The following PACRG variants were observed in gnomAD, a reference collection of about 807,000 sequenced individuals.
The protein encoded by PACRG is parkin coregulated gene protein.
A neutral mutation model predicts 29.7 loss-of-function variants in PACRG; 29 were observed. The observed-to-expected ratio is 0.98, with a 90% CI of 0.73 to 1.33. The LOEUF is 1.33. Ranked by LOEUF, PACRG falls within the 40% of genes most tolerant of loss-of-function variation. The pLI is 0.00. For synonymous variants in PACRG, 116 were observed against 118.7 expected (o/e 0.98, Z 0.15); for missense variants, 279 against 316.2 (o/e 0.88, Z 0.89).
rs377285864 is a variant in PACRG, at chr6:163,314,777, G to A, written c.614-50G>A. The A allele has an allele frequency of 9.6e-5, 153 of 1,590,164 alleles. No homozygotes were observed. The African/African-American group carries it at 1.4e-3, about 14-fold the overall frequency. On this transcript the variant is annotated intron_variant, in intron 4 of 4. Coordinates refer to ENST00000366888, the MANE Select transcript of PACRG (RefSeq NM_001080379.2). ...ATGCCTAGACTGTGTAGGACTTTTC[G>A]GGAAATTGCAGAGAAGTAACTGGCC...
intron 4 of PACRG, among the ~76,000 whole-genome samples, chr6:163,095,927 G>C (rs1017356917): frequency 6.6e-6 from 1 of 152,236 alleles, no homozygotes; most frequent in East Asian, 1.9e-4. Flanking sequence ...AGCCTGTGGG[G>C]AGAAAATCTC....
chr6:163,136,913 A>G (rs9456837), intron 4 of PACRG, among the ~76,000 whole-genome samples: 64,178 of 152,188 alleles, frequency 0.42, 16,057 homozygotes, highest in African/African-American at 0.71. Flanking sequence ...CGTTAACAAC[A>G]TAGAAAGATT....
At chr6:163,173,458 G>T (rs903122483) in intron 4 of PACRG, among the ~76,000 whole-genome samples, 8 of 152,278 alleles carry the variant, frequency 5.3e-5, no homozygotes, top group South Asian at 2.1e-4. Flanking sequence ...TGCAGCCAGG[G>T]TTATAAAGAT....
intron 4 of PACRG, among the ~76,000 whole-genome samples, chr6:163,168,633 A>G (rs1028653852): frequency 6.6e-6 from 1 of 152,228 alleles, no homozygotes; most frequent in African/African-American, 2.4e-5. Context: ...GCCCAACTGT[A>G]TGTAATTCAT....
At chr6:163,170,010 A>T (rs1485024331) in intron 4 of PACRG, among the ~76,000 whole-genome samples, 1 of 152,080 alleles carries the variant, frequency 6.6e-6, no homozygotes, top group African/African-American at 2.4e-5. Flanking sequence ...TTTTATAAGG[A>T]TTAGAGCCCA....
rs1778218037 is a variant in PACRG, at chr6:163,154,137, TG to T, written c.613+64733del. Among the ~76,000 whole-genome samples the T allele has an allele frequency of 2.6e-5, 4 of 152,334 alleles. No homozygotes were observed. In the South Asian group the frequency reaches 8.3e-4, roughly 32 times the overall value. ...CTTCTGGCATCAGGATGACCAGAAT[TG>T]GGGTGCCCTTAACGGCCAGCCCTGG... is the stretch of plus-strand genomic sequence containing the variant. On this transcript the variant is annotated intron_variant, in intron 4 of 4. Coordinates refer to ENST00000366888, the MANE Select transcript of PACRG (RefSeq NM_001080379.2).
At chr6:162,836,533 C>A (rs1370675011) in intron 2 of PACRG, among the ~76,000 whole-genome samples, 1 of 152,122 alleles carries the variant, frequency 6.6e-6, no homozygotes, top group East Asian at 1.9e-4. Flanking sequence ...TTACATCATA[C>A]CGTCCTTTCT....
intron 3 of PACRG, among the ~76,000 whole-genome samples, chr6:163,067,143 G>C (rs1403000943): frequency 2.6e-5 from 4 of 152,070 alleles, no homozygotes; most frequent in Non-Finnish European, 4.4e-5. Flanking sequence ...TCCTGCTGTA[G>C]CACCGCTTCC....
intron 3 of PACRG, among the ~76,000 whole-genome samples, chr6:163,074,854 G>A (rs893818848): frequency 6.6e-6 from 1 of 152,064 alleles, no homozygotes; most frequent in Non-Finnish European, 1.5e-5. Flanking sequence ...AGCCAGATGT[G>A]GTGATGCCGC....
At chr6:162,997,804 A>G (rs187700197) in intron 2 of PACRG, among the ~76,000 whole-genome samples, 139 of 152,324 alleles carry the variant, frequency 9.1e-4, no homozygotes, top group African/African-American at 3.1e-3. Flanking sequence ...ACTTGACACT[A>G]TATGTCTTCT....
rs1781546664 is a variant in PACRG at position 163,220,598 on chromosome 6, A to G, written c.614-94229A>G. Among the ~76,000 whole-genome samples, 5 of 152,256 alleles carry G rather than the reference A, an allele frequency of 3.3e-5. No homozygotes were observed. The South Asian group carries it at 1.0e-3, about 31-fold the overall frequency. On this transcript the variant is annotated intron_variant, in intron 4 of 4. Coordinates refer to ENST00000366888, the MANE Select transcript of PACRG (RefSeq NM_001080379.2). ...AAATTAAATTAGGTAAGAAAATTGC[A>G]GTCCAGTACTTAAAGTCAAAGACCA...
chr6:163,056,379 A>C (rs2128254165), intron 2 of PACRG, among the ~76,000 whole-genome samples: 1 of 152,380 alleles, frequency 6.6e-6, no homozygotes, highest in South Asian at 2.1e-4. Flanking sequence ...AAATGTGTTA[A>C]GTGCATTCAA....
At chr6:162,833,010 AG>A (rs1389828662) in intron 2 of PACRG, among the ~76,000 whole-genome samples, 20 of 152,238 alleles carry the variant, frequency 1.3e-4, no homozygotes, top group African/African-American at 4.8e-4. Context: ...ATTTGAAAGG[AG>A]TGATGCCATC....
chr6:163,119,261 T>C (rs1816156448), intron 4 of PACRG, among the ~76,000 whole-genome samples: 2 of 152,242 alleles, frequency 1.3e-5, no homozygotes, highest in South Asian at 2.1e-4. Flanking sequence ...CCATGAGATA[T>C]GCGAGCACGC....
At chr6:163,000,489 G>C (rs1297197679) in intron 2 of PACRG, among the ~76,000 whole-genome samples, 2 of 152,154 alleles carry the variant, frequency 1.3e-5, no homozygotes, top group Non-Finnish European at 2.9e-5. Context: ...AAACAGAAGA[G>C]AGTGTGGTGG....
intron 3 of PACRG, among the ~76,000 whole-genome samples, chr6:163,073,924 C>T (rs1447191812): frequency 6.6e-6 from 1 of 151,960 alleles, no homozygotes; most frequent in East Asian, 1.9e-4. Flanking sequence ...AAAAGACAGG[C>T]AATAGCAAAT....
chr6:162,789,197 C>T (rs773776373), intron 1 of PACRG, among the ~76,000 whole-genome samples: 2 of 152,020 alleles, frequency 1.3e-5, no homozygotes, highest in African/African-American at 4.8e-5. Flanking sequence ...TGTTTCTTCC[C>T]TGTTTTGATC....
At chr6:163,304,787 G>A (rs932891412) in intron 4 of PACRG, among the ~76,000 whole-genome samples, 13 of 152,192 alleles carry the variant, frequency 8.5e-5, no homozygotes, top group Non-Finnish European at 1.8e-4. Context: ...TCCCACTGTG[G>A]AGGAGAATGC....
upstream of PACRG, chr6:162,727,576 G>T: frequency 1.4e-6 from 2 of 1,382,540 alleles, no homozygotes; most frequent in Non-Finnish European, 2.0e-6. Context: ...TGGCACCGGG[G>T]GTCCTGGTCG....
Sources: allele counts gnomAD v4.1 joint callset (sites outside exome capture counted in the v4.1 genomes callset), GRCh38; gene constraint gnomAD v4.1.1; transcripts MANE v1.5; gene names NCBI Gene and HGNC (gene_info 2026-07-23, HGNC 2026-07-21).